Variants in NCKAP5 observed in about 807,000 individuals in gnomAD.
The protein encoded by NCKAP5 is nck-associated protein 5.
A neutral mutation model predicts 167.0 loss-of-function variants in NCKAP5; 92 were observed. The ratio of observed to expected loss-of-function variants is 0.55; its 90% CI spans 0.47 to 0.66. The LOEUF is 0.66. NCKAP5 is among the 30% of genes least tolerant of loss of function. NCKAP5 has a pLI of 0.00. For synonymous variants in NCKAP5, 891 were observed against 877.4 expected, an observed-to-expected ratio of 1.02 and a Z score of -0.27; for missense variants, 2,378 against 2,315.0, an observed-to-expected ratio of 1.03 and a Z score of -0.56.
intron 2 of NCKAP5, among the ~76,000 whole-genome samples, chr2:133,547,853 C>T (rs752067601): frequency 6.7e-6 from 1 of 148,176 alleles, no homozygotes; most frequent in Admixed American, 6.7e-5. Flanking sequence ...AGTTCCTCAC[C>T]AGCAACGGAA....
At chr2:132,930,198 T>C (rs1434252296) in intron 8 of NCKAP5, 1 of 152,184 alleles carries the variant, frequency 6.6e-6, no homozygotes, top group Non-Finnish European at 1.5e-5. Flanking sequence ...TACATGGTTG[T>C]CTGCAGTCAC....
rs527530447 is a variant in NCKAP5, at chr2:132,833,374, A to G, written c.807+27118T>C. Among the ~76,000 whole-genome samples, 14 of 152,080 alleles carry G rather than the reference A, an allele frequency of 9.2e-5. No homozygotes were observed. The South Asian group carries it at 2.7e-3, about 29-fold the overall frequency. On this transcript the variant is annotated intron_variant, in intron 11 of 19. Coordinates refer to ENST00000409261, the MANE Select transcript of NCKAP5 (RefSeq NM_207363.3). ...CTGTGCAGAAGCTTTTTAGCTTTAT[A>G]TGGTTTCTTTGTCTATTTTTTGTTG...
chr2:132,951,749 C>T (rs1016711436), intron 8 of NCKAP5, among the ~76,000 whole-genome samples: 8 of 152,142 alleles, frequency 5.3e-5, no homozygotes, highest in African/African-American at 1.7e-4. Context: ...ACAATTTTTC[C>T]CCCAAGGCTA....
rs182073807 is a variant in NCKAP5, at chr2:132,727,540, A to G, written c.5580+1276T>C. 5.5e-3 allele frequency among the ~76,000 whole-genome samples: 835 copies of G among 152,298 alleles called. 13 individuals carry two copies. The highest frequency in any genetic ancestry group is 0.019 in the African/African-American group (794 of 41,566). ...GACACAAGTCTATGTGGGCAACAAG[A>G]TTGTAGCCCTTCAGGTGGTTCTGAT... On this transcript the variant is annotated intron_variant, in intron 18 of 19. Coordinates refer to ENST00000409261, the MANE Select transcript of NCKAP5 (RefSeq NM_207363.3).
chr2:133,231,026 C>G (rs902960237), intron 4 of NCKAP5, among the ~76,000 whole-genome samples: 1 of 152,172 alleles, frequency 6.6e-6, no homozygotes, highest in Non-Finnish European at 1.5e-5. Flanking sequence ...AGCAAGACAT[C>G]TCATGCCCAA....
intron 16 of NCKAP5, among the ~76,000 whole-genome samples, chr2:132,758,926 T>G (rs1435215862): frequency 6.6e-6 from 1 of 152,220 alleles, no homozygotes; most frequent in Non-Finnish European, 1.5e-5. Flanking sequence ...CTAACAACTT[T>G]AACCATGTTT....
At chr2:133,032,778 T>C (rs1190938182) in intron 6 of NCKAP5, among the ~76,000 whole-genome samples, 3 of 152,068 alleles carry the variant, frequency 2.0e-5, no homozygotes, top group South Asian at 2.1e-4. Context: ...GTTCTGCAGG[T>C]TGTACAGAAA....
the NCKAP5 span, among the ~76,000 whole-genome samples, chr2:133,582,680 T>G: frequency 6.6e-6 from 1 of 152,212 alleles, no homozygotes; most frequent in Non-Finnish European, 1.5e-5. Context: ...TTACAGATGG[T>G]AAAAACCTAG....
chr2:133,057,410 G>A (rs1039820797), intron 6 of NCKAP5, among the ~76,000 whole-genome samples: 3 of 152,190 alleles, frequency 2.0e-5, no homozygotes, highest in Non-Finnish European at 4.4e-5. Context: ...TAGCCAAGTT[G>A]TGAATGCAAA....
intron 19 of NCKAP5, among the ~76,000 whole-genome samples, chr2:132,700,927 G>T (rs1390104571): frequency 3.6e-5 from 3 of 84,192 alleles, no homozygotes; most frequent in African/African-American, 1.9e-4. Context: ...ACAATCCCCT[G>T]GGCGGGGGGG....
intron 8 of NCKAP5, among the ~76,000 whole-genome samples, chr2:132,895,816 C>CAAAAAAAAAAAAAAAAAA (rs59012786): frequency 9.5e-6 from 1 of 105,252 alleles, no homozygotes; most frequent in Non-Finnish European, 2.0e-5. Flanking sequence ...GAGAAGGACT[C>CAAAAAAAAAAAAAAAAAA]AAAAAAAAAA....
chr2:133,345,155 T>C (rs1683880531), intron 3 of NCKAP5, among the ~76,000 whole-genome samples: 1 of 152,036 alleles, frequency 6.6e-6, no homozygotes, highest in Non-Finnish European at 1.5e-5. Context: ...GTACAGCCTT[T>C]AAAAGATAAC....
At chr2:133,327,681 A>G (rs1423156713) in intron 3 of NCKAP5, among the ~76,000 whole-genome samples, 2 of 152,154 alleles carry the variant, frequency 1.3e-5, no homozygotes, top group Non-Finnish European at 2.9e-5. Flanking sequence ...AAAACTGGTA[A>G]ATAATATAGT....
Position 132,933,073 on chromosome 2 carries a change from T to C in NCKAP5, c.579+30647A>G, listed in dbSNP as rs142933808. Among the ~76,000 whole-genome samples, 1,419 of 152,102 alleles carry C rather than the reference T, an allele frequency of 9.3e-3. 18 individuals are homozygous for C. Among genetic ancestry groups the C allele is most frequent in the African/African-American group, 0.032 (1,345 of 41,480 alleles). ...CCGAGCAGCTGGGACTACAGGCACC[T>C]GCCACCACGCGTGGCTAATATTTTT... On this transcript the variant is annotated intron_variant, in intron 8 of 19. Coordinates refer to ENST00000409261, the MANE Select transcript of NCKAP5 (RefSeq NM_207363.3).
intron 7 of NCKAP5, among the ~76,000 whole-genome samples, chr2:132,992,007 CTT>C (rs1559027763): frequency 6.6e-6 from 1 of 152,218 alleles, no homozygotes; most frequent in Admixed American, 6.5e-5. Flanking sequence ...GCCCTTCTCT[CTT>C]TTCTCGTTTC....
chr2:132,763,001 C>CA (rs1290969346), intron 16 of NCKAP5, among the ~76,000 whole-genome samples: 1 of 152,192 alleles, frequency 6.6e-6, no homozygotes. Context: ...TCTATCCTTT[C>CA]ATATGAATAC....
chr2:132,775,605 T>A (rs1218989727), intron 15 of NCKAP5, among the ~76,000 whole-genome samples: 5 of 152,192 alleles, frequency 3.3e-5, no homozygotes, highest in Non-Finnish European at 4.4e-5. Context: ...CAGCACATAT[T>A]TACAGATGGC....
At chr2:132,994,710 T>C (rs1449169879) in intron 6 of NCKAP5, among the ~76,000 whole-genome samples, 1 of 152,228 alleles carries the variant, frequency 6.6e-6, no homozygotes, top group Non-Finnish European at 1.5e-5. Context: ...TCTTCTCAAC[T>C]ACAGTCATGC....
intron 6 of NCKAP5, among the ~76,000 whole-genome samples, chr2:133,025,645 A>G (rs2078671531): frequency 6.6e-6 from 1 of 152,146 alleles, no homozygotes; most frequent in South Asian, 2.1e-4. Flanking sequence ...GAAAGACAAG[A>G]CCAAGAGGAG....
Sources: allele counts gnomAD v4.1 joint callset (sites outside exome capture counted in the v4.1 genomes callset), GRCh38; gene constraint gnomAD v4.1.1; transcripts MANE v1.5; gene names NCBI Gene and HGNC (gene_info 2026-07-23, HGNC 2026-07-21).